NXN: variants seen among roughly 807,000 people sequenced by gnomAD.
The protein encoded by NXN is nucleoredoxin, also known as nucleoredoxin 1.
Under a neutral mutation model 48.6 loss-of-function variants are expected in NXN, and 16 were observed. The observed-to-expected ratio is 0.33, with a 90% CI of 0.22 to 0.50. The LOEUF (loss-of-function observed/expected upper bound fraction) is 0.50. Ranked by LOEUF, NXN falls within the 20% of genes least tolerant of loss-of-function variation. The pLI is 0.98. For missense variants in NXN, 492 were observed against 605.5 expected, an observed-to-expected ratio of 0.81 and a Z score of 1.97; for synonymous variants, 281 against 269.6, an observed-to-expected ratio of 1.04 and a Z score of -0.41.
At chr17:829,941 T>C (rs1022221742) in intron 1 of NXN, among the ~76,000 whole-genome samples, 1 of 152,168 alleles carries the variant, frequency 6.6e-6, no homozygotes, top group East Asian at 1.9e-4. Context: ...TACGTGTGCA[T>C]GTGTCTTTAC....
rs557469617 is a variant in NXN, at chr17:844,451, C to T, written c.361-18373G>A. Among the ~76,000 whole-genome samples the T allele has an allele frequency of 8.8e-5, 13 of 148,450 alleles. No homozygotes were observed. The South Asian group carries it at 2.8e-3, about 32-fold the overall frequency. On this transcript the variant is annotated intron_variant, in intron 1 of 7. Transcript: ENST00000336868. Reference sequence around the variant, plus strand: ...AGGTGGGAGATGTCACCAGTTCACCCTAACCCCAGCCCATCCACTCCTGTG... The same window carrying T: ...AGGTGGGAGATGTCACCAGTTCACCTTAACCCCAGCCCATCCACTCCTGTG...
intron 1 of NXN, among the ~76,000 whole-genome samples, chr17:962,156 C>T (rs963180009): frequency 6.6e-6 from 1 of 152,080 alleles, no homozygotes; most frequent in African/African-American, 2.4e-5. Context: ...AAAGAAGGAA[C>T]ATTCAGGAAA....
chr17:919,804 CCATCATT>C lies in NXN; in HGVS notation c.360+59508_360+59514del, dbSNP rs1471379725. Among the ~76,000 whole-genome samples the C allele has an allele frequency of 6.6e-6, 1 of 152,184 alleles. No homozygotes were observed. Among genetic ancestry groups the C allele is most frequent in the Non-Finnish European group, 1.5e-5 (1 of 68,038 alleles). ...AAAACACCAGGAAACGCTCTCCCTT[CCATCATT>C]CAATCTTGGCGGACCACACTGGTAT... On this transcript the variant is annotated intron_variant, in intron 1 of 7. Transcript: ENST00000336868. This position sits in a 1 kb window ranked among gnomAD's most constrained non-coding sequence, Gnocchi z 5.1.
chr17:870,614 G>A (rs1187355004), intron 1 of NXN, among the ~76,000 whole-genome samples: 2 of 152,032 alleles, frequency 1.3e-5, no homozygotes, highest in Admixed American at 6.6e-5. Context: ...AATTAGCCAG[G>A]TGTGGTGTCC....
At chr17:806,321 C>T (rs1372388356) in intron 5 of NXN, among the ~76,000 whole-genome samples, 1 of 151,522 alleles carries the variant, frequency 6.6e-6, no homozygotes, top group Non-Finnish European at 1.5e-5. Flanking sequence ...CCCCAGCTCC[C>T]CCCTTCCCCA....
At chr17:855,942 C>T (rs892676381) in intron 1 of NXN, among the ~76,000 whole-genome samples, 1 of 152,084 alleles carries the variant, frequency 6.6e-6, no homozygotes, top group Non-Finnish European at 1.5e-5. Flanking sequence ...CACCTGTAAT[C>T]CCAGCACTTT....
chr17:803,853 G>A (rs201510263), intron 6 of NXN, 47 bp from the exon 7 acceptor site: 11 of 1,610,184 alleles, frequency 6.8e-6, no homozygotes, highest in African/African-American at 5.3e-5. Context: ...AAAAGCACTG[G>A]CTTGTCAAAC....
At chr17:845,472 C>T (rs1424405596) in intron 1 of NXN, among the ~76,000 whole-genome samples, 1 of 152,116 alleles carries the variant, frequency 6.6e-6, no homozygotes, top group Non-Finnish European at 1.5e-5. Context: ...GAGAGAATTC[C>T]ACCCTTCTAG....
intron 5 of NXN, among the ~76,000 whole-genome samples, chr17:806,940 A>ACACACG: frequency 6.8e-6 from 1 of 146,970 alleles, no homozygotes; most frequent in Admixed American, 6.7e-5. Context: ...ACACACACAC[A>ACACACG]CACACACGCA....
intron 1 of NXN, among the ~76,000 whole-genome samples, chr17:931,399 G>A (rs1249991666): frequency 2.0e-5 from 3 of 151,390 alleles, no homozygotes; most frequent in Admixed American, 2.0e-4. Flanking sequence ...GTTGTAGTGA[G>A]CAGAGATCAC....
intron 1 of NXN, among the ~76,000 whole-genome samples, chr17:922,550 C>T (rs1167156018): frequency 6.6e-6 from 1 of 152,154 alleles, no homozygotes; most frequent in African/African-American, 2.4e-5. Flanking sequence ...AACAAAAGAC[C>T]CAGTTAGCCT....
chr17:805,020 T>TCCCCCCCCCC, intron 6 of NXN, 48 bp downstream of exon 6: 54 of 1,512,736 alleles, frequency 3.6e-5, no homozygotes, highest in Non-Finnish European at 3.9e-5. Flanking sequence ...GCCCCTCCTG[T>TCCCCCCCCCC]CCCGCCCCCC....
At chr17:972,487 G>C (rs1321714845) in intron 1 of NXN, among the ~76,000 whole-genome samples, 2 of 151,708 alleles carry the variant, frequency 1.3e-5, no homozygotes, top group South Asian at 2.1e-4. Flanking sequence ...AAAAGAAAAA[G>C]AAAAAAAGGA....
rs59822805 is a variant in NXN at position 909,098 on chromosome 17, C to CAAAAA, written c.360+70216_360+70220dup. 1.7e-3 allele frequency among the ~76,000 whole-genome samples: 205 copies of CAAAAA among 117,318 alleles called. 4 individuals carry two copies. The highest frequency in any genetic ancestry group is 3.1e-3 in the East Asian group (12 of 3,820). The allele number at this position is 117,318 out of a possible 152,430, so 77.0% of individuals were successfully genotyped here. A position where few individuals can be genotyped will look rare whatever the true frequency, so the allele number is the denominator to read the frequency against. Reference sequence around the variant, plus strand: ...TGGGCGACAGAGTGAGACTTCGTCTCAAAAAAAAAAAAAAAAAAAAAAAAA... The same window carrying CAAAAA: ...TGGGCGACAGAGTGAGACTTCGTCTCAAAAAAAAAAAAAAAAAAAAAAAAAAAAAA... On this transcript the variant is annotated intron_variant, in intron 1 of 7. Coordinates refer to ENST00000336868, the MANE Select transcript of NXN (RefSeq NM_022463.5).
intron 1 of NXN, among the ~76,000 whole-genome samples, chr17:900,863 G>A (rs1201736439): frequency 6.6e-6 from 1 of 151,904 alleles, no homozygotes; most frequent in Non-Finnish European, 1.5e-5. Context: ...TGGGAGGCAG[G>A]GGAGTTTTGA....
rs1555611695 is a variant in NXN at position 831,456 on chromosome 17, C to CATTTATTT, written c.361-5386_361-5379dup. 1.7e-4 allele frequency among the ~76,000 whole-genome samples: 25 copies of CATTTATTT among 145,822 alleles called. No individual in the cohort carries two copies. In the South Asian group the frequency reaches 4.7e-3, roughly 27 times the overall value. ...ATACTGAGGGCCGACTTTATTTATT[C>CATTTATTT]ATTTATTTATTTATTTATTTATTTA... On this transcript the variant is annotated intron_variant, in intron 1 of 7. Transcript: ENST00000336868.
chr17:971,448 C>T (rs899066072), intron 1 of NXN, among the ~76,000 whole-genome samples: 2 of 152,036 alleles, frequency 1.3e-5, no homozygotes, highest in Non-Finnish European at 2.9e-5. Flanking sequence ...CGGTGGCTCA[C>T]GCCTGTCATC....
At chr17:843,014 A>AAGAGAGAAAGAGAGAAAGAG (rs1567829023) in intron 1 of NXN, among the ~76,000 whole-genome samples, 2 of 83,938 alleles carry the variant, frequency 2.4e-5, no homozygotes, top group African/African-American at 9.5e-5. Flanking sequence ...GAGAGAAAGA[A>AAGAGAGAAAGAGAGAAAGAG]AGAAAGAAAG....
chr17:803,726 C>A lies in NXN; in HGVS notation c.1081G>T (p.Ala361Ser). Residue 361 changes from alanine (A) to serine (S), a missense_variant, in exon 7 of 8, where the codon GCC becomes TCC. Physicochemically the swap from Ala to Ser is moderately conservative, Grantham distance 99 (BLOSUM62 1). Around this residue, in one of 3 missense-constraint regions of NXN, gnomAD observed 303 missense variants for 388.3 expected, o/e 0.78. Coordinates refer to ENST00000336868, the MANE Select transcript of NXN (RefSeq NM_022463.5). ...IAEKIIAKYK[A>S]KEEEAPLLFF... The stretch of plus-strand genomic sequence containing the variant: ...AGAAGGGGTGCCTCCTCCTCTTTGG[C>A]TTTGTACTTGGCAATGATTTTCTCA... The A allele has an allele frequency of 6.2e-7, 1 of 1,614,236 alleles. No homozygotes were observed. Among genetic ancestry groups the A allele is most frequent in the Non-Finnish European group, 8.5e-7 (1 of 1,180,040 alleles).
Sources: gnomAD v4.1 joint callset for allele counts (sites outside exome capture counted in the v4.1 genomes callset) on GRCh38, gnomAD v4.1.1 for gene constraint, gnomAD v4.1.1 regional missense constraint, Gnocchi (gnomAD v3.1) non-coding constraint, MANE v1.5 for transcripts, NCBI Gene and HGNC (gene_info 2026-07-23, HGNC 2026-07-21) for gene names.